PLCB4: variants seen among roughly 807,000 people sequenced by gnomAD.
PLCB4 encodes phospholipase C beta 4.
A neutral mutation model predicts 178.8 loss-of-function variants in PLCB4; 77 were observed. That is an observed-to-expected ratio of 0.43 (90% CI 0.36 to 0.52). The LOEUF is 0.52. PLCB4 is among the 20% of genes least tolerant of loss of function. The probability of loss-of-function intolerance (pLI) is 0.00; values close to 1 mark genes in which losing one functional copy is unlikely to be tolerated. For synonymous variants in PLCB4, 496 were observed against 490.8 expected, an observed-to-expected ratio of 1.01 and a Z score of -0.14; for missense variants, 1,024 against 1,453.4, an observed-to-expected ratio of 0.70 and a Z score of 4.80.
rs548072379 is a variant in PLCB4, at chr20:9,234,239, A to C, written c.-16+16787A>C. Among the ~76,000 whole-genome samples the C allele has an allele frequency of 2.6e-5, 4 of 152,248 alleles. No individual in the cohort carries two copies. In the South Asian group the frequency reaches 6.2e-4, roughly 24 times the overall value. On this transcript the variant is annotated intron_variant, in intron 3 of 39. Transcript: ENST00000378473. ...TAAAAAATCAAATGTTCTGCTTTAA[A>C]CTTTAAAGCTTTGTATGCTTATTGA...
chr20:9,348,931 T>A (rs1458952160), intron 7 of PLCB4, among the ~76,000 whole-genome samples: 1 of 152,150 alleles, frequency 6.6e-6, no homozygotes, highest in Non-Finnish European at 1.5e-5. Context: ...CAAGGTCATT[T>A]AAACATTTGC....
intron 1 of PLCB4, among the ~76,000 whole-genome samples, chr20:9,080,686 C>T (rs6118475): frequency 0.072 from 10,991 of 152,170 alleles, 912 homozygotes; most frequent in East Asian, 0.31. Flanking sequence ...TAAACTCTTT[C>T]TGTATAAGAT....
At chr20:9,441,754 T>C (rs921690609) in intron 30 of PLCB4, among the ~76,000 whole-genome samples, 2 of 152,078 alleles carry the variant, frequency 1.3e-5, no homozygotes, top group African/African-American at 4.8e-5. Context: ...ACGCTGGCAA[T>C]TGGAAGTGAA....
intron 3 of PLCB4, among the ~76,000 whole-genome samples, chr20:9,284,311 T>G (rs2094518776): frequency 6.6e-6 from 1 of 151,922 alleles, no homozygotes; most frequent in Non-Finnish European, 1.5e-5. Context: ...TAATGGTAAA[T>G]GCAAAGGCCC....
intron 25 of PLCB4, among the ~76,000 whole-genome samples, chr20:9,417,267 G>A (rs537933759): frequency 6.6e-6 from 1 of 152,056 alleles, no homozygotes; most frequent in South Asian, 2.1e-4. Flanking sequence ...TGGAATCTGT[G>A]ATTATATGAC....
At chr20:9,256,382 TC>T (rs2094235994) in intron 3 of PLCB4, among the ~76,000 whole-genome samples, 1 of 152,062 alleles carries the variant, frequency 6.6e-6, no homozygotes, top group African/African-American at 2.4e-5. Context: ...AAATGCACAC[TC>T]CCAGCAAGGA....
chr20:9,172,694 A>G (rs926058632), intron 2 of PLCB4, among the ~76,000 whole-genome samples: 1 of 152,132 alleles, frequency 6.6e-6, no homozygotes, highest in East Asian at 1.9e-4. Flanking sequence ...CCTGAATGTT[A>G]AGAGAGGCCA....
At chr20:9,288,406 CTT>C (rs5840316) in intron 3 of PLCB4, among the ~76,000 whole-genome samples, 1,619 of 140,620 alleles carry the variant, frequency 0.012, 29 homozygotes, top group African/African-American at 0.037. Flanking sequence ...CCTGTAGTTG[CTT>C]TTTTTTTTTT....
At chr20:9,114,723 C>A (rs1244214899) in intron 2 of PLCB4, among the ~76,000 whole-genome samples, 1 of 152,148 alleles carries the variant, frequency 6.6e-6, no homozygotes, top group African/African-American at 2.4e-5. Context: ...CTTCCCCCAA[C>A]CCCAAATTAA....
intron 32 of PLCB4, among the ~76,000 whole-genome samples, chr20:9,450,811 G>T (rs1247174667): frequency 6.6e-6 from 1 of 151,652 alleles, no homozygotes; most frequent in Non-Finnish European, 1.5e-5. Context: ...ACCATGCCCG[G>T]CTAATTTTTG....
intron 7 of PLCB4, among the ~76,000 whole-genome samples, chr20:9,348,559 G>A (rs1269679063): frequency 6.6e-6 from 1 of 151,948 alleles, no homozygotes; most frequent in African/African-American, 2.4e-5. Context: ...ATCCTTAGGG[G>A]CTTGTCCATG....
At chr20:9,475,637 G>T (rs1228972732) in intron 38 of PLCB4, among the ~76,000 whole-genome samples, 2 of 152,176 alleles carry the variant, frequency 1.3e-5, no homozygotes, top group East Asian at 1.9e-4. Context: ...AAAGAATTTG[G>T]ACTTGAGTTT....
intron 2 of PLCB4, among the ~76,000 whole-genome samples, chr20:9,158,908 A>C (rs1053184464): frequency 1.3e-5 from 2 of 152,128 alleles, no homozygotes; most frequent in African/African-American, 4.8e-5. Flanking sequence ...AAATCATCTA[A>C]AATCACCTTG....
chr20:9,111,219 T>C (rs910680019), intron 2 of PLCB4, among the ~76,000 whole-genome samples: 3 of 152,190 alleles, frequency 2.0e-5, no homozygotes, highest in African/African-American at 7.2e-5. Context: ...CTGGAAGTTA[T>C]TGGACAGAGA....
At position 9,384,208 on chromosome 20, in the gene PLCB4, A is replaced by G. The variant is rs1358304322; in HGVS notation, c.861A>G (p.Ile287Met). The G allele has an allele frequency of 1.9e-6, 3 of 1,612,636 alleles. No homozygotes were observed. The Admixed American group carries it at 5.0e-5, about 27-fold the overall frequency. ...ATGTTCTTTTTCCCCTAGGCCTTATATCAAGTGATGGGTTTTGCAGATATC... is the reference window on the plus strand; with the variant it reads ...ATGTTCTTTTTCCCCTAGGCCTTATGTCAAGTGATGGGTTTTGCAGATATC... ...PDEDLKKKGL[I>M]SSDGFCRYLM... is the part of the protein sequence containing the mutation. Residue 287 changes from isoleucine (I) to methionine (M), a missense_variant, in exon 14 of 40, where the codon ATA (isoleucine) becomes ATG (methionine). Coordinates refer to ENST00000378473, the MANE Select transcript of PLCB4 (RefSeq NM_001377142.1).
At chr20:9,459,342 TA>T (rs2043246625) in intron 34 of PLCB4, among the ~76,000 whole-genome samples, 1 of 150,192 alleles carries the variant, frequency 6.7e-6, no homozygotes, top group African/African-American at 2.5e-5. Context: ...AGACTCTATC[TA>T]AAAAAACAAA....
chr20:9,478,244 C>G (rs1281572162), intron 39 of PLCB4, among the ~76,000 whole-genome samples: 1 of 152,124 alleles, frequency 6.6e-6, no homozygotes, highest in Non-Finnish European at 1.5e-5. Flanking sequence ...AATCTGAACT[C>G]ATGAGGTTGA....
intron 3 of PLCB4, among the ~76,000 whole-genome samples, chr20:9,291,923 C>T (rs1363043258): frequency 6.6e-6 from 1 of 152,138 alleles, no homozygotes; most frequent in Admixed American, 6.5e-5. Flanking sequence ...TAGGCTTTAT[C>T]CTCTTCTTAT....
chr20:9,465,500 G>GT (rs1328454081), intron 35 of PLCB4, among the ~76,000 whole-genome samples: 1 of 152,178 alleles, frequency 6.6e-6, no homozygotes, highest in Admixed American at 6.5e-5. Context: ...AATTGTCCCT[G>GT]TTTGCACATC....
Sources: gnomAD v4.1 joint callset for allele counts (sites outside exome capture counted in the v4.1 genomes callset) on GRCh38, gnomAD v4.1.1 for gene constraint, MANE v1.5 for transcripts, NCBI Gene and HGNC (gene_info 2026-07-23, HGNC 2026-07-21) for gene names.